CSMD2: variants seen among roughly 807,000 people sequenced by gnomAD.
CSMD2 encodes CUB and Sushi multiple domains 2.
Under a neutral mutation model 398.5 loss-of-function variants are expected in CSMD2, and 130 were observed. The observed-to-expected ratio is 0.33, with a 90% CI of 0.28 to 0.38. The LOEUF (loss-of-function observed/expected upper bound fraction) is 0.38, where lower values mean the gene tolerates loss of function less well. CSMD2 is among the 10% of genes least tolerant of loss of function. The pLI is 1.00. For synonymous variants in CSMD2, 1,828 were observed against 1,908.5 expected (o/e 0.96, Z 1.10); for missense variants, 3,829 against 4,764.9 (o/e 0.80, Z 5.78).
intron 3 of CSMD2, among the ~76,000 whole-genome samples, chr1:33,946,768 AC>A (rs1644852427): frequency 6.7e-6 from 1 of 148,452 alleles, no homozygotes; most frequent in African/African-American, 2.6e-5. Context: ...ACAGGCGCGC[AC>A]CACCCACCAT....
chr1:33,799,945 C>T (rs558789552), intron 10 of CSMD2, among the ~76,000 whole-genome samples: 7 of 152,290 alleles, frequency 4.6e-5, no homozygotes, highest in South Asian at 2.1e-4. Context: ...TGTTTGTCAC[C>T]GCAGAAGAGT....
intron 26 of CSMD2, among the ~76,000 whole-genome samples, chr1:33,661,610 T>C (rs1489608492): frequency 6.6e-6 from 1 of 152,222 alleles, no homozygotes; most frequent in Non-Finnish European, 1.5e-5. Context: ...TAGTATTCCA[T>C]GGAACTCTTA....
chr1:34,130,020 G>A (rs1038301815), intron 1 of CSMD2, among the ~76,000 whole-genome samples: 17 of 152,122 alleles, frequency 1.1e-4, no homozygotes, highest in African/African-American at 4.1e-4. Context: ...TCCAGGCCCT[G>A]GGGAGCTCAA....
At chr1:33,762,892 T>C (rs1311387614) in intron 13 of CSMD2, among the ~76,000 whole-genome samples, 6 of 152,124 alleles carry the variant, frequency 3.9e-5, no homozygotes, top group Non-Finnish European at 7.3e-5. Flanking sequence ...CCCTTCCACA[T>C]TTTGCTGCAT....
At chr1:33,860,189 T>G (rs978338392) in intron 5 of CSMD2, among the ~76,000 whole-genome samples, 2 of 152,210 alleles carry the variant, frequency 1.3e-5, no homozygotes, top group Non-Finnish European at 2.9e-5. Context: ...CAGTCTAGCA[T>G]CTCTCATTGC....
intron 3 of CSMD2, among the ~76,000 whole-genome samples, chr1:34,017,067 A>G (rs1021833806): frequency 7.9e-5 from 12 of 152,344 alleles, no homozygotes; most frequent in African/African-American, 2.6e-4. Context: ...CAACTTTGAT[A>G]AAATCCAGTA....
At chr1:34,070,697 C>A (rs1655645511) in intron 2 of CSMD2, among the ~76,000 whole-genome samples, 2 of 151,966 alleles carry the variant, frequency 1.3e-5, no homozygotes, top group South Asian at 4.2e-4. Flanking sequence ...ATTCCCCCAC[C>A]CCCACCCTTG....
rs1016472086 is a variant in CSMD2 at position 33,537,206 on chromosome 1, C to T, written c.9806-111G>A. On this transcript the variant is annotated intron_variant, in intron 61 of 70. Transcript: ENST00000373381. The surrounding 1 kb of genome is among the most constrained non-coding windows in gnomAD (Gnocchi z 4.6). Reference sequence around the variant, plus strand: ...GAAAATGCGGCCACATCCTGACTTCCCTGCCCACTGAGATCCCCACCTGAG... The same window carrying T: ...GAAAATGCGGCCACATCCTGACTTCTCTGCCCACTGAGATCCCCACCTGAG... 94 of 1,266,250 alleles carry T rather than the reference C, an allele frequency of 7.4e-5. No homozygotes were observed. Among genetic ancestry groups the T allele is most frequent in the Non-Finnish European group, 1.0e-4 (91 of 880,652 alleles). The allele number at this position is 1,266,250 out of a possible 1,614,324, so 78.4% of individuals were successfully genotyped here.
At chr1:33,644,688 T>G (rs1245253214) in intron 29 of CSMD2, among the ~76,000 whole-genome samples, 1 of 152,002 alleles carries the variant, frequency 6.6e-6, no homozygotes, top group Admixed American at 6.6e-5. Flanking sequence ...AGATGAATAA[T>G]AAGAAATGGT....
chr1:33,605,179 C>T (rs561041829), intron 42 of CSMD2, 103 bp downstream of exon 42: 526 of 1,128,274 alleles, frequency 4.7e-4, no homozygotes, highest in Non-Finnish European at 6.4e-4. Context: ...GGACCTCCAG[C>T]CCTGGAGATC....
At chr1:33,716,533 T>G in intron 19 of CSMD2, 32 bp from the exon 20 acceptor site, 1 of 1,527,794 alleles carries the variant, frequency 6.5e-7, no homozygotes, top group Non-Finnish European at 9.0e-7. Context: ...AGGTTGTTGA[T>G]GGCGAGATGG....
At chr1:33,607,643 G>A (rs935976806) in intron 41 of CSMD2, among the ~76,000 whole-genome samples, 73 of 152,330 alleles carry the variant, frequency 4.8e-4, no homozygotes, top group Non-Finnish European at 7.6e-4. Context: ...GGTTGGGATC[G>A]CCCCAAACGA....
At chr1:33,730,534 T>C (rs192017290) in intron 15 of CSMD2, among the ~76,000 whole-genome samples, 10 of 151,636 alleles carry the variant, frequency 6.6e-5, no homozygotes, top group African/African-American at 2.4e-4. Flanking sequence ...GTTGGTAGCA[T>C]AATCCCACAT....
chr1:33,984,544 G>A (rs945974757), intron 3 of CSMD2, among the ~76,000 whole-genome samples: 14 of 152,140 alleles, frequency 9.2e-5, no homozygotes, highest in Admixed American at 4.6e-4. Flanking sequence ...TCACGCCTGC[G>A]CTTTGGGAGG....
intron 22 of CSMD2, among the ~76,000 whole-genome samples, chr1:33,705,619 T>A (rs1645748965): frequency 6.6e-6 from 1 of 152,224 alleles, no homozygotes; most frequent in Non-Finnish European, 1.5e-5. Context: ...GGGGGAATCA[T>A]AATTTTTTAA....
intron 3 of CSMD2, among the ~76,000 whole-genome samples, chr1:33,950,076 A>G (rs1644955503): frequency 6.6e-6 from 1 of 151,882 alleles, no homozygotes; most frequent in Admixed American, 6.6e-5. Context: ...CATCTCTCAT[A>G]TCTGCCCCCA....
intron 6 of CSMD2, among the ~76,000 whole-genome samples, chr1:33,830,909 C>A (rs1183169540): frequency 6.6e-6 from 1 of 152,126 alleles, no homozygotes; most frequent in African/African-American, 2.4e-5. Context: ...GAAAGGGTAT[C>A]AGTGATGGAA....
At chr1:33,929,042 G>A (rs971817898) in intron 4 of CSMD2, among the ~76,000 whole-genome samples, 3 of 152,126 alleles carry the variant, frequency 2.0e-5, no homozygotes, top group African/African-American at 7.2e-5. Flanking sequence ...CTTCCCTTTA[G>A]GGCACATGCT....
At chr1:33,938,587 TC>T (rs1218315409) in intron 3 of CSMD2, among the ~76,000 whole-genome samples, 1 of 151,412 alleles carries the variant, frequency 6.6e-6, no homozygotes, top group African/African-American at 2.4e-5. Flanking sequence ...ACTTGGCATT[TC>T]CCATGATACC....
Sources: allele counts gnomAD v4.1 joint callset (sites outside exome capture counted in the v4.1 genomes callset), GRCh38; gene constraint gnomAD v4.1.1; non-coding constraint Gnocchi (gnomAD v3.1); transcripts MANE v1.5; gene names NCBI Gene and HGNC (gene_info 2026-07-23, HGNC 2026-07-21).